The following CLU variants were observed in gnomAD, a reference collection of about 807,000 sequenced individuals.
CLU encodes clusterin, also known as aging-associated protein 4.
A neutral mutation model predicts 46.4 loss-of-function variants in CLU; 25 were observed. The ratio of observed to expected loss-of-function variants is 0.54; its 90% confidence interval spans 0.39 to 0.75. The LOEUF is 0.75. CLU is among the 30% of genes least tolerant of loss of function. The probability of loss-of-function intolerance (pLI) is 0.00; values close to 1 mark genes in which losing one functional copy is unlikely to be tolerated. For missense variants in CLU, 504 were observed against 592.1 expected (o/e 0.85, Z 1.54); for synonymous variants, 235 against 235.1 (o/e 1.00, Z 0.00).
Position 27,611,340 on chromosome 8 carries a change from A to T in CLU, c.-29-740T>A, listed in dbSNP as rs137998664. ...CCCGAGGAGCAGGCTTCCCAGAGAA[A>T]GTCCCTTTGGAAGGATGAGTCCTCT... is the stretch of plus-strand genomic sequence containing the variant. On this transcript the variant is annotated intron_variant, in intron 1 of 8. Transcript: ENST00000316403. 7.5e-4 allele frequency: 341 copies of T among 456,288 alleles called. 5 individuals are homozygous for T. The East Asian group carries it at 0.011, about 15-fold the overall frequency. 28.3% of individuals were successfully genotyped at this position (456,288 alleles called of 1,614,324 possible).
intron 1 of CLU, chr8:27,611,479 A>G (rs771976585): frequency 4.4e-6 from 2 of 456,428 alleles, no homozygotes; most frequent in South Asian, 3.1e-5. Flanking sequence ...CACAGGCCAT[A>G]GCCCCGGTCT....
Position 27,608,996 on chromosome 8 carries a change from G to T in CLU, c.188C>A (p.Thr63Lys). The T allele has an allele frequency of 1.2e-6, 2 of 1,614,192 alleles. No homozygotes were observed. Among genetic ancestry groups the T allele is most frequent in the Non-Finnish European group, 1.7e-6 (2 of 1,180,022 alleles). The change falls in exon 3 of 9, where the codon ACA becomes AAA. Residue 63 changes from threonine to lysine, a missense_variant. Physicochemically the swap from Thr to Lys is moderately conservative, Grantham distance 78. Transcript: ENST00000316403. The stretch of plus-strand genomic sequence containing the variant: ...GAGCAGTGTCTTGCGCTCTTCGTTT[G>T]TTTTTTCTATGAGAGTCTTTATCTG... Reference protein sequence around the residue: ...VKQIKTLIEKTNEERKTLLSN... With the variant: ...VKQIKTLIEKKNEERKTLLSN...
intron 6 of CLU, among the ~76,000 whole-genome samples, chr8:27,601,896 G>C (rs1040606686): frequency 4.6e-5 from 7 of 152,088 alleles, no homozygotes; most frequent in Non-Finnish European, 1.0e-4. Flanking sequence ...TTTGAGACCA[G>C]CCTGGCCAAT....
intron 1 of CLU, chr8:27,611,867 C>T (rs955795139): frequency 5.2e-5 from 22 of 420,054 alleles, no homozygotes; most frequent in African/African-American, 4.5e-4. Flanking sequence ...GCCCCAGCTG[C>T]CCACTGAGCC....
intron 3 of CLU, among the ~76,000 whole-genome samples, chr8:27,607,062 G>C (rs1277039755): frequency 6.6e-6 from 1 of 152,212 alleles, no homozygotes; most frequent in African/African-American, 2.4e-5. Context: ...CTCAGGCCAG[G>C]TGCGGCAGCT....
At chr8:27,605,526 C>T (rs1438648480) in intron 4 of CLU, among the ~76,000 whole-genome samples, 191 bp from the exon 5 acceptor site, 1 of 152,252 alleles carries the variant, frequency 6.6e-6, no homozygotes, top group Non-Finnish European at 1.5e-5. Context: ...CCTTTTATCT[C>T]CCTCCATGGG....
chr8:27,613,897 T>C (rs1370833702), intron 1 of CLU: 2 of 152,184 alleles, frequency 1.3e-5, no homozygotes, highest in Non-Finnish European at 2.9e-5. Flanking sequence ...ATAAAAATCA[T>C]ATTTTTTTTA....
At chr8:27,604,860 C>T (rs1800786589) in intron 5 of CLU, 64 bp downstream of exon 5, 3 of 1,575,750 alleles carry the variant, frequency 1.9e-6, no homozygotes, top group East Asian at 2.2e-5. Flanking sequence ...CCGCTGAGCC[C>T]TCGGCATGGT....
chr8:27,606,949 C>G (rs530707963), intron 3 of CLU, among the ~76,000 whole-genome samples: 4 of 152,224 alleles, frequency 2.6e-5, no homozygotes, highest in Non-Finnish European at 5.9e-5. Context: ...TGCCTCCTGG[C>G]GTGCAAAGGG....
chr8:27,611,822 G>A (rs1194970019), intron 1 of CLU: 5 of 452,002 alleles, frequency 1.1e-5, no homozygotes, highest in African/African-American at 4.0e-5. Context: ...GGCGGAGACC[G>A]GGCTCACCAG....
intron 6 of CLU, among the ~76,000 whole-genome samples, chr8:27,601,805 T>A (rs562188362): frequency 1.5e-3 from 194 of 126,694 alleles, no homozygotes; most frequent in African/African-American, 6.0e-3. Flanking sequence ...AAAAAAAATT[T>A]AAAAATAAGA....
intron 2 of CLU, 111 bp from the exon 3 acceptor site, chr8:27,609,197 C>G: frequency 8.5e-7 from 1 of 1,179,498 alleles, no homozygotes; most frequent in Non-Finnish European, 1.3e-6. Flanking sequence ...GCTGTCAAGG[C>G]TGGGACCCCC....
In CLU at chr8:27,604,959, G is replaced by A. The variant is rs770198186; in HGVS notation, c.794C>T (p.Pro265Leu). The A allele has an allele frequency of 1.4e-5, 23 of 1,613,976 alleles. No individual in the cohort carries two copies. In the East Asian group the frequency reaches 2.7e-4, roughly 19 times the overall value. The change falls in exon 5 of 9, where the codon CCG becomes CTG. Residue 265 changes from proline (P) to leucine (L), a missense_variant. By Grantham distance (98) the Pro-to-Leu change is moderately conservative. Transcript: ENST00000316403. Reference sequence around the variant, plus strand: ...TTCTGTTGGCGGGTGCTGGAAGGCCGGGCTATGGAAGTGGATGTCCATGGC... The same window carrying A: ...TTCTGTTGGCGGGTGCTGGAAGGCCAGGCTATGGAAGTGGATGTCCATGGC... ...QQAMDIHFHS[P>L]AFQHPPTEFI... is the part of the protein sequence containing the mutation.
rs1563381863 is a variant in CLU at position 27,597,339 on chromosome 8, G to GTA, written c.*900_*901dup. Reference sequence around the variant, plus strand: ...GTAGTCATGGCCACCTGCTGGCAGCGTAGGGTACTGCAGCCCAGCTATGGT... The same window carrying GTA: ...GTAGTCATGGCCACCTGCTGGCAGCGTATAGGGTACTGCAGCCCAGCTATGGT... On this transcript the variant is annotated 3_prime_UTR_variant, in exon 9 of 9. Transcript: ENST00000316403. 2.2e-6 allele frequency: 1 copy of GTA among 454,534 alleles called. No individual in the cohort carries two copies. The highest frequency in any genetic ancestry group is 1.6e-5 in the South Asian group (1 of 64,472). The allele number at this position is 454,534 out of a possible 1,614,324, so 28.2% of individuals were successfully genotyped here.
intron 5 of CLU, among the ~76,000 whole-genome samples, 152 bp downstream of exon 5, chr8:27,604,771 GC>G (rs1321090307): frequency 6.6e-6 from 1 of 152,166 alleles, no homozygotes; most frequent in Non-Finnish European, 1.5e-5. Flanking sequence ...GAGCCACCAT[GC>G]CCAGCTCAGT....
Position 27,611,180 on chromosome 8 carries a change from A to G in CLU, c.-29-580T>C, listed in dbSNP as rs1446570452. 2 of 453,936 alleles carry G rather than the reference A, an allele frequency of 4.4e-6. 1 individual carries two copies. The highest frequency in any genetic ancestry group is 3.1e-5 in the South Asian group (2 of 64,472). The allele number at this position is 453,936 out of a possible 1,614,324, so 28.1% of individuals were successfully genotyped here. The stretch of plus-strand genomic sequence containing the variant: ...ACTTTCAAGAGCCGGAGGCAACAGC[A>G]GCCAGCCCTTCACACCGAATCCATC... On this transcript the variant is annotated intron_variant, in intron 1 of 8. Coordinates refer to ENST00000316403, the MANE Select transcript of CLU (RefSeq NM_001831.4).
At position 27,606,339 on chromosome 8, in the gene CLU, G is replaced by A. The variant is rs1180535826; in HGVS notation, c.417+15C>T. On this transcript the variant is annotated intron_variant, in intron 4 of 8. Coordinates refer to ENST00000316403, the MANE Select transcript of CLU (RefSeq NM_001831.4). ...CCCACTCAGAGCCTTGGCCACTCAT[G>A]TGTCCCCTTTTCACCTGGCGGCCAA... 6.2e-7 allele frequency: 1 copy of A among 1,613,570 alleles called. No homozygotes were observed. Among genetic ancestry groups the A allele is most frequent in the South Asian group, 1.1e-5 (1 of 91,058 alleles).
chr8:27,608,051 T>A (rs1800853592), intron 3 of CLU, among the ~76,000 whole-genome samples: 2 of 152,130 alleles, frequency 1.3e-5, no homozygotes, highest in Non-Finnish European at 2.9e-5. Flanking sequence ...AGGAGCTATT[T>A]GAGGATTCTC....
In CLU at chr8:27,598,109, G is replaced by C; in HGVS notation, c.*132C>G. The C allele has an allele frequency of 1.2e-6, 1 of 805,922 alleles. No homozygotes were observed. The highest frequency in any genetic ancestry group is 2.2e-6 in the Non-Finnish European group (1 of 463,462). The allele number at this position is 805,922 out of a possible 1,614,324, so 49.9% of individuals were successfully genotyped here. A position where few individuals can be genotyped will look rare whatever the true frequency, so the allele number is the denominator to read the frequency against. On this transcript the variant is annotated 3_prime_UTR_variant, in exon 9 of 9. Coordinates refer to ENST00000316403, the MANE Select transcript of CLU (RefSeq NM_001831.4). ...AGGATCCAGAGCGGGGAGAGGCTGG[G>C]CGGAGTTGGGGGCCTGGAGGCTGGG...
Sources: gnomAD v4.1 joint callset for allele counts (sites outside exome capture counted in the v4.1 genomes callset) on GRCh38, gnomAD v4.1.1 for gene constraint, MANE v1.5 for transcripts, NCBI Gene and HGNC (gene_info 2026-07-23, HGNC 2026-07-21) for gene names.